Variants in UBE2E2 observed in about 807,000 individuals in gnomAD.
UBE2E2 encodes ubiquitin conjugating enzyme E2 E2.
Under a neutral mutation model 24.7 loss-of-function variants are expected in UBE2E2, and 6 were observed. The ratio of observed to expected loss-of-function variants is 0.24; its 90% CI spans 0.13 to 0.48. UBE2E2 has a LOEUF of 0.48. Ranked by LOEUF, UBE2E2 falls within the 20% of genes least tolerant of loss-of-function variation. UBE2E2 has a pLI of 0.99. For missense variants in UBE2E2, 169 were observed against 245.0 expected (o/e 0.69, Z 2.07); for synonymous variants, 104 against 83.6 (o/e 1.24, Z -1.33).
chr3:23,249,678 T>C (rs6795492), intron 3 of UBE2E2, among the ~76,000 whole-genome samples: 93,376 of 151,280 alleles, frequency 0.62, 29,368 homozygotes, highest in South Asian at 0.69. Context: ...AATTTTGAGA[T>C]GGAGTCTTGC....
intron 3 of UBE2E2, among the ~76,000 whole-genome samples, chr3:23,256,651 A>G (rs1446062479): frequency 2.6e-5 from 4 of 152,208 alleles, no homozygotes; most frequent in Non-Finnish European, 5.9e-5. Flanking sequence ...TATTTTCATA[A>G]TTCTTAAGAC....
chr3:23,217,388 T>C, intron 3 of UBE2E2, 76 bp downstream of exon 3: 1 of 1,321,520 alleles, frequency 7.6e-7, no homozygotes, highest in Non-Finnish European at 1.1e-6. Flanking sequence ...TATATGCAGC[T>C]GTTGTTGTAG....
chr3:23,515,008 C>T (rs2125469117), intron 4 of UBE2E2, among the ~76,000 whole-genome samples: 1 of 152,106 alleles, frequency 6.6e-6, no homozygotes, highest in African/African-American at 2.4e-5. Context: ...TAATCATTTC[C>T]ATCATCTCTG....
intron 5 of UBE2E2, among the ~76,000 whole-genome samples, chr3:23,562,989 T>C (rs1298779746): frequency 1.3e-5 from 2 of 152,200 alleles, no homozygotes; most frequent in East Asian, 1.9e-4. Context: ...GCTAGCAGTC[T>C]ATCAATTTTG....
chr3:23,560,636 C>T (rs1166652476), intron 5 of UBE2E2, among the ~76,000 whole-genome samples: 6 of 152,000 alleles, frequency 3.9e-5, no homozygotes, highest in Admixed American at 2.6e-4. Context: ...CTTGAGGAAT[C>T]GCCACACTGA....
intron 3 of UBE2E2, among the ~76,000 whole-genome samples, chr3:23,295,494 A>G (rs751462103): frequency 6.6e-6 from 1 of 152,174 alleles, no homozygotes; most frequent in Non-Finnish European, 1.5e-5. Flanking sequence ...TCCAACGGGG[A>G]CAACACCACT....
intron 3 of UBE2E2, among the ~76,000 whole-genome samples, chr3:23,343,209 A>G (rs1383644165): frequency 1.3e-5 from 2 of 152,156 alleles, no homozygotes; most frequent in Non-Finnish European, 2.9e-5. Context: ...TGACATGGAA[A>G]GGTACTTAGG....
intron 4 of UBE2E2, among the ~76,000 whole-genome samples, chr3:23,516,002 C>A (rs1335345670): frequency 6.6e-6 from 1 of 151,974 alleles, no homozygotes; most frequent in Non-Finnish European, 1.5e-5. Context: ...AAGGAGCAAC[C>A]AGATTAATGT....
rs1056240438 is a variant in UBE2E2, at chr3:23,236,221, G to A, written c.227+18909G>A. 7.9e-5 allele frequency among the ~76,000 whole-genome samples: 12 copies of A among 152,208 alleles called. 2 individuals are homozygous for A. The highest frequency in any genetic ancestry group is 2.0e-4 in the Admixed American group (3 of 15,276). On this transcript the variant is annotated intron_variant, in intron 3 of 5. Coordinates refer to ENST00000396703, the MANE Select transcript of UBE2E2 (RefSeq NM_152653.4). ...AATTAATAATTAATGAAATTTTCAA[G>A]TGAATACGAAAGTAGAATAAAGTTG...
chr3:23,524,742 C>A (rs984422415), intron 4 of UBE2E2, among the ~76,000 whole-genome samples: 3 of 152,058 alleles, frequency 2.0e-5, no homozygotes, highest in African/African-American at 7.2e-5. Flanking sequence ...TTAACTCTTT[C>A]TAGAATTATT....
At chr3:23,373,906 T>TA (rs1173101728) in intron 3 of UBE2E2, among the ~76,000 whole-genome samples, 1 of 152,186 alleles carries the variant, frequency 6.6e-6, no homozygotes, top group Non-Finnish European at 1.5e-5. Flanking sequence ...TAAGTAAAGT[T>TA]AAAATGATAG....
At chr3:23,341,470 G>A (rs1489231728) in intron 3 of UBE2E2, among the ~76,000 whole-genome samples, 2 of 152,120 alleles carry the variant, frequency 1.3e-5, no homozygotes, top group South Asian at 4.1e-4. Flanking sequence ...TATAAATACA[G>A]TATATGTTTT....
At chr3:23,560,301 G>C in intron 5 of UBE2E2, among the ~76,000 whole-genome samples, 1 of 145,076 alleles carries the variant, frequency 6.9e-6, no homozygotes, top group Non-Finnish European at 1.5e-5. Flanking sequence ...CCACCTATGA[G>C]TGAGAACATG....
At chr3:23,274,872 A>G (rs1272453629) in intron 3 of UBE2E2, among the ~76,000 whole-genome samples, 1 of 152,128 alleles carries the variant, frequency 6.6e-6, no homozygotes, top group African/African-American at 2.4e-5. Flanking sequence ...AAGAGTTTTG[A>G]TAAATATTGC....
At chr3:23,323,240 G>A (rs1468352317) in intron 3 of UBE2E2, among the ~76,000 whole-genome samples, 1 of 152,068 alleles carries the variant, frequency 6.6e-6, no homozygotes, top group Non-Finnish European at 1.5e-5. Flanking sequence ...GAAGAATCAG[G>A]TTTGGTGTTT....
intron 5 of UBE2E2, among the ~76,000 whole-genome samples, chr3:23,548,769 C>T (rs984636738): frequency 6.6e-6 from 1 of 152,100 alleles, no homozygotes; most frequent in African/African-American, 2.4e-5. Context: ...GACTTCCAAG[C>T]CATATTTTTT....
chr3:23,547,762 A>C (rs1214885802), intron 5 of UBE2E2, among the ~76,000 whole-genome samples: 3 of 152,240 alleles, frequency 2.0e-5, no homozygotes, highest in Non-Finnish European at 2.9e-5. Flanking sequence ...TTCTTTTCTC[A>C]GTAGAGATCC....
At chr3:23,482,395 T>C (rs998549832) in intron 3 of UBE2E2, among the ~76,000 whole-genome samples, 2 of 152,122 alleles carry the variant, frequency 1.3e-5, no homozygotes, top group Non-Finnish European at 2.9e-5. Context: ...ACCAGGATAT[T>C]CTGTGTGGCT....
At chr3:23,537,229 C>T (rs1262345079) in intron 5 of UBE2E2, among the ~76,000 whole-genome samples, 1 of 152,196 alleles carries the variant, frequency 6.6e-6, no homozygotes, top group Non-Finnish European at 1.5e-5. Flanking sequence ...CAGCCTGGAC[C>T]AGCAGGGGCT....
Sources: gnomAD v4.1 joint callset for allele counts (sites outside exome capture counted in the v4.1 genomes callset) on GRCh38, gnomAD v4.1.1 for gene constraint, MANE v1.5 for transcripts, NCBI Gene and HGNC (gene_info 2026-07-23, HGNC 2026-07-21) for gene names.